Variants in CELF4 observed in about 807,000 individuals in gnomAD.
CELF4 encodes CUG-BP- and ETR-3-like factor 4.
A neutral mutation model predicts 59.9 loss-of-function variants in CELF4; 18 were observed. The observed-to-expected ratio is 0.30, with a 90% CI of 0.21 to 0.45. The LOEUF (loss-of-function observed/expected upper bound fraction) is 0.45, where lower values mean the gene tolerates loss of function less well. Among genes scored for constraint, CELF4 ranks in the 20% least tolerant of loss-of-function variants. The probability of loss-of-function intolerance (pLI) is 1.00; values close to 1 mark genes in which losing one functional copy is unlikely to be tolerated. For synonymous variants in CELF4, 261 were observed against 267.1 expected, an observed-to-expected ratio of 0.98 and a Z score of 0.22; for missense variants, 456 against 689.0, an observed-to-expected ratio of 0.66 and a Z score of 3.79.
intron 2 of CELF4, among the ~76,000 whole-genome samples, chr18:37,354,919 T>C (rs1402565119): frequency 3.9e-5 from 6 of 152,258 alleles, no homozygotes; most frequent in African/African-American, 7.2e-5. Flanking sequence ...CCTCTGCCTA[T>C]GGAGAGAGAT....
intron 2 of CELF4, among the ~76,000 whole-genome samples, chr18:37,353,146 G>GGA (rs2098484164): frequency 6.6e-6 from 1 of 150,558 alleles, no homozygotes; most frequent in Admixed American, 6.7e-5. Context: ...GCTTGAACCC[G>GGA]GGAGGCGGAA....
intron 2 of CELF4, among the ~76,000 whole-genome samples, chr18:37,372,833 C>G (rs536655303): frequency 6.6e-6 from 1 of 150,664 alleles, no homozygotes; most frequent in African/African-American, 2.4e-5. Flanking sequence ...ACTTATTAAC[C>G]TGAAAAAAAA....
intron 3 of CELF4, among the ~76,000 whole-genome samples, chr18:37,285,588 G>A (rs552730091): frequency 3.4e-4 from 52 of 152,344 alleles, no homozygotes; most frequent in Admixed American, 7.2e-4. Context: ...GAGAGGAGAT[G>A]AGCTGGCCTA....
At chr18:37,487,422 C>T (rs2099883469) in intron 1 of CELF4, among the ~76,000 whole-genome samples, 1 of 152,218 alleles carries the variant, frequency 6.6e-6, no homozygotes, top group African/African-American at 2.4e-5. Context: ...CTTGGAGAAG[C>T]TTCGGAGAAA....
intron 2 of CELF4, among the ~76,000 whole-genome samples, chr18:37,409,949 G>A (rs1329813582): frequency 1.3e-5 from 2 of 152,138 alleles, no homozygotes; most frequent in African/African-American, 2.4e-5. Context: ...CACCCACTGG[G>A]CCCAGCCTGA....
intron 1 of CELF4, among the ~76,000 whole-genome samples, chr18:37,494,979 C>T (rs2099923473): frequency 6.6e-6 from 1 of 152,214 alleles, no homozygotes; most frequent in Non-Finnish European, 1.5e-5. Flanking sequence ...GGTGCCCTTT[C>T]AAATGTCAAA....
chr18:37,514,712 T>A (rs1444214906), intron 1 of CELF4, among the ~76,000 whole-genome samples: 3 of 152,052 alleles, frequency 2.0e-5, no homozygotes, highest in Non-Finnish European at 4.4e-5. Context: ...ATAAAATGGG[T>A]TAGGAAATTT....
chr18:37,339,007 TC>T (rs2097890835), intron 2 of CELF4, among the ~76,000 whole-genome samples: 1 of 152,214 alleles, frequency 6.6e-6, no homozygotes, highest in South Asian at 2.1e-4. Flanking sequence ...TCCATCCTGG[TC>T]CCAGAGCCCA....
At chr18:37,556,302 GTC>G (rs1454393002) in intron 1 of CELF4, among the ~76,000 whole-genome samples, 1 of 152,192 alleles carries the variant, frequency 6.6e-6, no homozygotes, top group Non-Finnish European at 1.5e-5. Context: ...CTGAGCCTCA[GTC>G]TCTTTATCTA....
At chr18:37,519,583 C>A (rs1057375025) in intron 1 of CELF4, among the ~76,000 whole-genome samples, 9 of 152,156 alleles carry the variant, frequency 5.9e-5, no homozygotes, top group African/African-American at 2.2e-4. Context: ...TTCAGGTGTT[C>A]GTCAGTCTGC....
chr18:37,500,632 C>T (rs1401853530), intron 1 of CELF4, among the ~76,000 whole-genome samples: 1 of 151,176 alleles, frequency 6.6e-6, no homozygotes, highest in African/African-American at 2.4e-5. Flanking sequence ...CTCCTGGGTT[C>T]ATGCCATTCT....
intron 1 of CELF4, among the ~76,000 whole-genome samples, chr18:37,512,700 A>C (rs2099945968): frequency 2.6e-5 from 3 of 114,210 alleles, no homozygotes; most frequent in Non-Finnish European, 3.7e-5. Flanking sequence ...TTTATCTTTG[A>C]CTCCTTTCTG....
intron 1 of CELF4, among the ~76,000 whole-genome samples, chr18:37,500,511 A>ATTTTC (rs67986694): frequency 7.1e-6 from 1 of 141,156 alleles, no homozygotes; most frequent in Non-Finnish European, 1.5e-5. Flanking sequence ...CTTCTAGCTC[A>ATTTTC]TTTTCTTTTC....
intron 7 of CELF4, 74 bp downstream of exon 7, chr18:37,272,942 T>C: frequency 1.4e-6 from 2 of 1,452,416 alleles, no homozygotes; most frequent in South Asian, 2.5e-5. Flanking sequence ...CGCTGGTAGC[T>C]GAAATTAGGT....
chr18:37,351,613 T>TCTTC (rs199906644), intron 2 of CELF4, among the ~76,000 whole-genome samples: 3 of 930 alleles, frequency 3.2e-3, no homozygotes, highest in Non-Finnish European at 8.2e-3. Flanking sequence ...TTCTTCTTCT[T>TCTTC]TTTTTTTTTT....
chr18:37,491,479 GA>G (rs1334372829), intron 1 of CELF4, among the ~76,000 whole-genome samples: 28 of 152,174 alleles, frequency 1.8e-4, no homozygotes, highest in Non-Finnish European at 2.1e-4. Flanking sequence ...TCAATTCAGT[GA>G]GGGTGGAGAC....
chr18:37,474,072 C>T (rs548022573), intron 2 of CELF4: 1 of 152,324 alleles, frequency 6.6e-6, no homozygotes, highest in African/African-American at 2.4e-5. Context: ...GTGAGAAGGA[C>T]TCTGTTACGT....
At position 37,557,997 on chromosome 18, in the gene CELF4, C is replaced by CTTTTTTTTTT. The variant is rs34181233; in HGVS notation, c.286+7349_286+7358dup. Among the ~76,000 whole-genome samples, 19 of 100,754 alleles carry CTTTTTTTTTT rather than the reference C, an allele frequency of 1.9e-4. 1 individual carries two copies. The highest frequency in any genetic ancestry group is 2.4e-4 in the Non-Finnish European group (13 of 53,494). 66.1% of individuals were successfully genotyped at this position (100,754 alleles called of 152,430 possible). On this transcript the variant is annotated intron_variant, in intron 1 of 12. Coordinates refer to ENST00000420428, the MANE Select transcript of CELF4 (RefSeq NM_020180.4). ...GATGGTCCTGAAAACATCCCTTTTA[C>CTTTTTTTTTT]TTTTTTTTTTTTTTTTTTTTTTGAG...
At chr18:37,384,415 T>C (rs1041743082) in intron 2 of CELF4, among the ~76,000 whole-genome samples, 1 of 150,584 alleles carries the variant, frequency 6.6e-6, no homozygotes, top group East Asian at 2.0e-4. Context: ...GGAGGACACA[T>C]AGGTGGGGCA....
Sources: gnomAD v4.1 joint callset for allele counts (sites outside exome capture counted in the v4.1 genomes callset) on GRCh38, gnomAD v4.1.1 for gene constraint, MANE v1.5 for transcripts, NCBI Gene and HGNC (gene_info 2026-07-23, HGNC 2026-07-21) for gene names.